Variants in CALML4 observed in about 807,000 individuals in gnomAD.
CALML4 encodes the protein calmodulin like 4.
A neutral mutation model predicts 17.9 loss-of-function variants in CALML4; 16 were observed. That is an observed-to-expected ratio of 0.89 (90% CI 0.61 to 1.36). The LOEUF is 1.36. CALML4 is among the 40% of genes most tolerant of loss of function. The pLI is 0.00. For missense variants in CALML4, 203 were observed against 194.8 expected (o/e 1.04, Z -0.25); for synonymous variants, 86 against 71.5 (o/e 1.20, Z -1.02).
chr15:68,201,341 T>C (rs1293108642), intron 2 of CALML4, among the ~76,000 whole-genome samples: 1 of 152,042 alleles, frequency 6.6e-6, no homozygotes, highest in East Asian at 1.9e-4. Flanking sequence ...TAAAACCCAA[T>C]TGCCTGCAAG....
At chr15:68,196,548 C>T (rs1277322137) in intron 4 of CALML4, among the ~76,000 whole-genome samples, 2 of 152,234 alleles carry the variant, frequency 1.3e-5, no homozygotes, top group African/African-American at 2.4e-5. Flanking sequence ...CACAGGCAAG[C>T]AGGGCAGCCT....
rs1361919273 is a variant in CALML4, at chr15:68,200,966, T to C, written c.35-1285A>G. Among the ~76,000 whole-genome samples, 1 of 151,880 alleles carries C rather than the reference T, an allele frequency of 6.6e-6. No individual in the cohort carries two copies. Among genetic ancestry groups the C allele is most frequent in the Non-Finnish European group, 1.5e-5 (1 of 67,952 alleles). On this transcript the variant is annotated intron_variant, in intron 2 of 4. Transcript: ENST00000467889. The surrounding 1 kb of genome is among the most constrained non-coding windows in gnomAD (Gnocchi z 4.3). ...CCCACCAGGCCACACTGCCTTCGGT[T>C]CCAGGGCAGACACCACTGAGAGCAG... is the stretch of plus-strand genomic sequence containing the variant.
chr15:68,199,224 T>C (rs1363515222), intron 3 of CALML4, among the ~76,000 whole-genome samples: 1 of 151,976 alleles, frequency 6.6e-6, no homozygotes, highest in Non-Finnish European at 1.5e-5. Context: ...GCTAAGCACA[T>C]GACAAATACT....
Position 68,204,990 on chromosome 15 carries a change from C to T in CALML4, c.34+131G>A. On this transcript the variant is annotated intron_variant, in intron 2 of 4. Transcript: ENST00000467889. The surrounding 1 kb of genome is among the most constrained non-coding windows in gnomAD (Gnocchi z 6.0). ...CCCGCCAACAGCAGCCTCCCCGCAGCTCTTGGCCCTGGGTGGGCCCAGCTC... is the reference window on the plus strand; with the variant it reads ...CCCGCCAACAGCAGCCTCCCCGCAGTTCTTGGCCCTGGGTGGGCCCAGCTC... The T allele has an allele frequency of 9.6e-7, 1 of 1,046,752 alleles. No individual in the cohort carries two copies. The highest frequency in any genetic ancestry group is 1.4e-6 in the Non-Finnish European group (1 of 699,064). 64.8% of individuals were successfully genotyped at this position (1,046,752 alleles called of 1,614,324 possible).
Position 68,197,386 on chromosome 15 carries a change from C to T in CALML4, c.364+54G>A. On this transcript the variant is annotated intron_variant, in intron 4 of 4. Coordinates refer to ENST00000467889, the MANE Select transcript of CALML4 (RefSeq NM_033429.3). The surrounding 1 kb of genome is among the most constrained non-coding windows in gnomAD (Gnocchi z 4.1). ...GCATCAGCTAGGCTTTGGTGCCCTCCTTCCAACTCCCTAACCCCCTCCAAC... is the reference window on the plus strand; with the variant it reads ...GCATCAGCTAGGCTTTGGTGCCCTCTTTCCAACTCCCTAACCCCCTCCAAC... 6.4e-7 allele frequency: 1 copy of T among 1,564,484 alleles called. No individual in the cohort carries two copies. Among genetic ancestry groups the T allele is most frequent in the Non-Finnish European group, 8.7e-7 (1 of 1,151,694 alleles).
intron 2 of CALML4, among the ~76,000 whole-genome samples, chr15:68,203,161 G>A (rs577769929): frequency 2.4e-4 from 37 of 152,220 alleles, no homozygotes; most frequent in South Asian, 6.2e-4. Flanking sequence ...TGTTGGCCAG[G>A]CTGGTTTCAA....
rs888365025 is a variant in CALML4, at chr15:68,205,065, G to C, written c.34+56C>G. The C allele has an allele frequency of 1.9e-6, 3 of 1,587,474 alleles. No homozygotes were observed. The African/African-American group carries it at 4.0e-5, about 21-fold the overall frequency. ...CAAGAAAACATGAGCAGAGCAAATT[G>C]CCTAATGAGACCCATATTTTGCTGA... On this transcript the variant is annotated intron_variant, in intron 2 of 4. Coordinates refer to ENST00000467889, the MANE Select transcript of CALML4 (RefSeq NM_033429.3). The surrounding 1 kb of genome is among the most constrained non-coding windows in gnomAD (Gnocchi z 4.8).
chr15:68,199,408 G>C (rs1397179288), intron 3 of CALML4, 133 bp downstream of exon 3: 1 of 981,406 alleles, frequency 1.0e-6, no homozygotes, highest in Non-Finnish European at 1.5e-6. Flanking sequence ...CCTGGTCTGG[G>C]GCTGCCACAG....
At chr15:68,194,177 T>G in intron 4 of CALML4, 65 bp from the exon 5 acceptor site, 2 of 1,323,418 alleles carry the variant, frequency 1.5e-6, no homozygotes, top group South Asian at 2.4e-5. Flanking sequence ...CAGTGAGTTT[T>G]TTGGGGACTG....
chr15:68,200,506 C>G lies in CALML4; in HGVS notation c.35-825G>C, dbSNP rs1039360834. Reference sequence around the variant, plus strand: ...GCCTGACACAGCCATCCCACGGGCTCCCGGCCCTGGGAGGCCCAGGAAGGC... The same window carrying G: ...GCCTGACACAGCCATCCCACGGGCTGCCGGCCCTGGGAGGCCCAGGAAGGC... On this transcript the variant is annotated intron_variant, in intron 2 of 4. Coordinates refer to ENST00000467889, the MANE Select transcript of CALML4 (RefSeq NM_033429.3). This position sits in a 1 kb window ranked among gnomAD's most constrained non-coding sequence, Gnocchi z 4.3. Among the ~76,000 whole-genome samples the G allele has an allele frequency of 1.3e-5, 2 of 152,248 alleles. No individual in the cohort carries two copies. Among genetic ancestry groups the G allele is most frequent in the Non-Finnish European group, 2.9e-5 (2 of 68,040 alleles).
chr15:68,205,623 C>G (rs1351339066), upstream of CALML4: 5 of 526,214 alleles, frequency 9.5e-6, no homozygotes, highest in East Asian at 1.7e-4. This position sits in a 1 kb window ranked among gnomAD's most constrained non-coding sequence, Gnocchi z 4.8. Context: ...CATCAGGCCC[C>G]TACTAGAGTT....
rs1432387079 is a variant in CALML4 at position 68,205,056 on chromosome 15, G to A, written c.34+65C>T. Reference sequence around the variant, plus strand: ...CCTTCCCACCAAGAAAACATGAGCAGAGCAAATTGCCTAATGAGACCCATA... The same window carrying A: ...CCTTCCCACCAAGAAAACATGAGCAAAGCAAATTGCCTAATGAGACCCATA... On this transcript the variant is annotated intron_variant, in intron 2 of 4. Coordinates refer to ENST00000467889, the MANE Select transcript of CALML4 (RefSeq NM_033429.3). This position sits in a 1 kb window ranked among gnomAD's most constrained non-coding sequence, Gnocchi z 4.8. 3 of 1,574,394 alleles carry A rather than the reference G, an allele frequency of 1.9e-6. No homozygotes were observed. Among genetic ancestry groups the A allele is most frequent in the Non-Finnish European group, 2.6e-6 (3 of 1,144,484 alleles).
intron 4 of CALML4, among the ~76,000 whole-genome samples, chr15:68,196,797 C>T (rs1406564175): frequency 6.6e-6 from 1 of 152,168 alleles, no homozygotes; most frequent in Non-Finnish European, 1.5e-5. Flanking sequence ...CAGGAAGGTG[C>T]AAAGCAAAGA....
At position 68,192,759 on chromosome 15, in the gene CALML4, A is replaced by G. The variant is rs1181363067; in HGVS notation, c.*1256T>C. On this transcript the variant is annotated 3_prime_UTR_variant, in exon 5 of 5. Coordinates refer to ENST00000467889, the MANE Select transcript of CALML4 (RefSeq NM_033429.3). ...ATCCCATTTGATTTGGTTTTCTTCT[A>G]CTTTAGCCACTGTGGTACTACTAGA... The G allele has an allele frequency of 2.0e-5, 3 of 152,178 alleles. No individual in the cohort carries two copies. The highest frequency in any genetic ancestry group is 1.9e-4 in the East Asian group (1 of 5,194). 9.4% of individuals were successfully genotyped at this position (152,178 alleles called of 1,614,324 possible).
chr15:68,200,342 T>TC lies in CALML4; in HGVS notation c.35-662dup, dbSNP rs1436570433. Among the ~76,000 whole-genome samples the TC allele has an allele frequency of 1.2e-4, 19 of 152,336 alleles. No individual in the cohort carries two copies. Among genetic ancestry groups the TC allele is most frequent in the African/African-American group, 4.3e-4 (18 of 41,570 alleles). ...CTAAACCCTCAAGCTGTCCTTGGAC[T>TC]CGGGCCCTGGTCCTGTTCTTAGAGA... On this transcript the variant is annotated intron_variant, in intron 2 of 4. Coordinates refer to ENST00000467889, the MANE Select transcript of CALML4 (RefSeq NM_033429.3). This position sits in a 1 kb window ranked among gnomAD's most constrained non-coding sequence, Gnocchi z 4.3.
chr15:68,199,284 G>A (rs1165191298), intron 3 of CALML4, among the ~76,000 whole-genome samples: 2 of 152,154 alleles, frequency 1.3e-5, no homozygotes, highest in Non-Finnish European at 2.9e-5. Context: ...CTGTCAGCGC[G>A]ATTTTTCTCT....
At chr15:68,199,403 T>A in intron 3 of CALML4, 138 bp downstream of exon 3, 1 of 926,054 alleles carries the variant, frequency 1.1e-6, no homozygotes. Flanking sequence ...GCACTCCTGG[T>A]CTGGGGCTGC....
intron 2 of CALML4, among the ~76,000 whole-genome samples, chr15:68,202,283 T>C (rs2093167616): frequency 6.6e-6 from 1 of 152,202 alleles, no homozygotes; most frequent in South Asian, 2.1e-4. Flanking sequence ...TTACAAATAA[T>C]ACAGAAATGT....
chr15:68,199,198 TC>T (rs1467297156), intron 3 of CALML4, among the ~76,000 whole-genome samples: 8 of 151,972 alleles, frequency 5.3e-5, no homozygotes, highest in African/African-American at 1.9e-4. Context: ...AATGCCTACT[TC>T]ATAGGGTTTT....
Sources: gnomAD v4.1 joint callset for allele counts (sites outside exome capture counted in the v4.1 genomes callset) on GRCh38, gnomAD v4.1.1 for gene constraint, Gnocchi (gnomAD v3.1) non-coding constraint, MANE v1.5 for transcripts, NCBI Gene and HGNC (gene_info 2026-07-23, HGNC 2026-07-21) for gene names.